ATP9B: variants seen among roughly 807,000 people sequenced by gnomAD.
ATP9B encodes the protein ATPase phospholipid transporting 9B, also known as probable phospholipid-transporting ATPase IIB.
ATP9B carries 110 observed loss-of-function variants against 146.1 expected under a neutral mutation model. The ratio of observed to expected loss-of-function variants is 0.75; its 90% CI spans 0.65 to 0.88. The LOEUF is 0.88. Ranked by LOEUF, ATP9B falls within the 40% of genes least tolerant of loss-of-function variation. The probability of loss-of-function intolerance (pLI) is 0.00; values close to 1 mark genes in which losing one functional copy is unlikely to be tolerated. For synonymous variants in ATP9B, 604 were observed against 569.7 expected (o/e 1.06, Z -0.86); for missense variants, 1,499 against 1,496.4 (o/e 1.00, Z -0.03).
chr18:79,076,096 G>A (rs1219629119), intron 1 of ATP9B, among the ~76,000 whole-genome samples: 1 of 152,124 alleles, frequency 6.6e-6, no homozygotes, highest in African/African-American at 2.4e-5. Flanking sequence ...ATGTAAAAGT[G>A]TATGTAGATT....
chr18:79,322,578 T>G (rs1170860344), intron 15 of ATP9B, among the ~76,000 whole-genome samples: 1 of 152,234 alleles, frequency 6.6e-6, no homozygotes, highest in African/African-American at 2.4e-5. Context: ...TTTACTGATT[T>G]CTAACAAAGC....
intron 12 of ATP9B, chr18:79,255,412 C>T (rs1568505754): frequency 6.5e-6 from 1 of 152,742 alleles, no homozygotes; most frequent in South Asian, 2.1e-4. Flanking sequence ...CTTCTCTCCA[C>T]CAGCTTCCTC....
rs535160750 is a variant in ATP9B at position 79,329,261 on chromosome 18, C to T, written c.1894C>T (p.Pro632Ser). Residue 632 changes from proline (P) to serine (S), a missense_variant, in exon 16 of 30, where the codon CCC (proline) becomes TCC (serine). Coordinates refer to ENST00000426216, the MANE Select transcript of ATP9B (RefSeq NM_198531.5). ...VLSFCILQLFPFTSESKRMGV... is the reference protein window; with the variant it reads ...VLSFCILQLFSFTSESKRMGV... The stretch of plus-strand genomic sequence containing the variant: ...CAGCTTCTGCATTCTGCAGCTGTTT[C>T]CCTTCACCTCCGAGAGCAAGCGGAT... The T allele has an allele frequency of 2.5e-6, 4 of 1,612,196 alleles. No individual in the cohort carries two copies. In the South Asian group the frequency reaches 3.3e-5, roughly 13 times the overall value.
intron 11 of ATP9B, among the ~76,000 whole-genome samples, chr18:79,231,606 C>G (rs925726213): frequency 6.6e-6 from 1 of 151,954 alleles, no homozygotes; most frequent in Non-Finnish European, 1.5e-5. Flanking sequence ...AAAAGTAGAA[C>G]TACCATTTGA....
chr18:79,250,160 T>C (rs578003757), intron 11 of ATP9B, among the ~76,000 whole-genome samples: 3 of 152,270 alleles, frequency 2.0e-5, no homozygotes, highest in Non-Finnish European at 4.4e-5. Flanking sequence ...CGGCTTTGAA[T>C]GTTTCCATCC....
chr18:79,179,336 G>A (rs1173539810), intron 8 of ATP9B, among the ~76,000 whole-genome samples: 1 of 150,500 alleles, frequency 6.6e-6, no homozygotes, highest in Non-Finnish European at 1.5e-5. Flanking sequence ...AATTTTTTTT[G>A]TTTCTTCCTC....
intron 25 of ATP9B, among the ~76,000 whole-genome samples, chr18:79,355,462 A>T (rs551607973): frequency 1.3e-5 from 2 of 152,360 alleles, no homozygotes; most frequent in South Asian, 4.1e-4. Context: ...CCAGACAAAA[A>T]AAAATGCCGT....
intron 17 of ATP9B, among the ~76,000 whole-genome samples, chr18:79,332,216 T>G (rs1448097147): frequency 1.3e-5 from 2 of 152,004 alleles, no homozygotes; most frequent in Non-Finnish European, 2.9e-5. Context: ...GATCACGAGG[T>G]CAGGAGATTG....
chr18:79,219,031 A>T (rs909348064), intron 11 of ATP9B, among the ~76,000 whole-genome samples: 1 of 152,220 alleles, frequency 6.6e-6, no homozygotes, highest in African/African-American at 2.4e-5. Flanking sequence ...AGAAACCAGG[A>T]TAAGAATAAT....
At chr18:79,133,508 AACACACAC>A (rs370697424) in intron 5 of ATP9B, among the ~76,000 whole-genome samples, 30 of 147,892 alleles carry the variant, frequency 2.0e-4, no homozygotes, top group African/African-American at 7.0e-4. Context: ...AGTGGTTATA[AACACACAC>A]ACACACACAC....
chr18:79,322,644 A>G (rs1192025581), intron 15 of ATP9B, among the ~76,000 whole-genome samples: 2 of 152,262 alleles, frequency 1.3e-5, no homozygotes, highest in Non-Finnish European at 2.9e-5. Context: ...TATTTGGCAC[A>G]CATTAAGCAT....
chr18:79,167,090 A>G (rs1360169761), intron 7 of ATP9B, among the ~76,000 whole-genome samples: 2 of 152,078 alleles, frequency 1.3e-5, no homozygotes, highest in Admixed American at 6.5e-5. Flanking sequence ...CAGATCCCCA[A>G]AGAGGATGTC....
At chr18:79,171,884 T>TTGTTTG (rs112220122) in intron 7 of ATP9B, among the ~76,000 whole-genome samples, 22 of 150,786 alleles carry the variant, frequency 1.5e-4, no homozygotes, top group African/African-American at 3.9e-4. Flanking sequence ...ACTCGTTTTT[T>TTGTTTG]TTTGTTTGTT....
At chr18:79,376,108 C>T in intron 29 of ATP9B, 1 of 983,058 alleles carries the variant, frequency 1.0e-6, no homozygotes, top group Non-Finnish European at 1.2e-6. Flanking sequence ...ATTTGTGTTG[C>T]AGATGGAACT....
intron 15 of ATP9B, among the ~76,000 whole-genome samples, chr18:79,324,739 A>G (rs1416573753): frequency 5.3e-5 from 8 of 152,248 alleles, no homozygotes; most frequent in African/African-American, 1.9e-4. Flanking sequence ...TCACTTCAGA[A>G]TGTTGCTTAT....
At chr18:79,286,593 A>G (rs1216882965) in intron 13 of ATP9B, among the ~76,000 whole-genome samples, 1 of 152,116 alleles carries the variant, frequency 6.6e-6, no homozygotes, top group Non-Finnish European at 1.5e-5. Flanking sequence ...CTCTTTCCCT[A>G]ATTGAATACC....
chr18:79,071,086 G>T (rs1599278532), intron 1 of ATP9B, among the ~76,000 whole-genome samples: 6 of 100,488 alleles, frequency 6.0e-5, no homozygotes, highest in African/African-American at 1.4e-4. Flanking sequence ...TGGGTTACTT[G>T]GACACTTTTT....
At chr18:79,150,316 A>G (rs1290649429) in intron 6 of ATP9B, among the ~76,000 whole-genome samples, 1 of 152,172 alleles carries the variant, frequency 6.6e-6, no homozygotes, top group Non-Finnish European at 1.5e-5. Flanking sequence ...AGTTTCTTAA[A>G]AAAAAAAACT....
chr18:79,349,602 T>C (rs1378652212), intron 25 of ATP9B, among the ~76,000 whole-genome samples: 1 of 152,244 alleles, frequency 6.6e-6, no homozygotes, highest in African/African-American at 2.4e-5. Context: ...CAGGAGTTCC[T>C]CACAATTTTA....
Sources: gnomAD v4.1 joint callset for allele counts (sites outside exome capture counted in the v4.1 genomes callset) on GRCh38, gnomAD v4.1.1 for gene constraint, MANE v1.5 for transcripts, NCBI Gene and HGNC (gene_info 2026-07-23, HGNC 2026-07-21) for gene names.